Variants in MGAT4C observed in about 807,000 individuals in gnomAD.
MGAT4C encodes the protein MGAT4 family member C.
MGAT4C carries 19 observed loss-of-function variants against 40.1 expected under a neutral mutation model. That is an observed-to-expected ratio of 0.47 (90% CI 0.33 to 0.70). MGAT4C has a LOEUF of 0.70. MGAT4C is among the 30% of genes least tolerant of loss of function. The pLI is 0.02. For missense variants in MGAT4C, 491 were observed against 563.2 expected (o/e 0.87, Z 1.30); for synonymous variants, 181 against 187.1 (o/e 0.97, Z 0.27).
chr12:86,833,350 C>T (rs1952969192), intron 1 of MGAT4C, among the ~76,000 whole-genome samples: 1 of 151,786 alleles, frequency 6.6e-6, no homozygotes, highest in Admixed American at 6.6e-5. Flanking sequence ...AAAGTCAAAA[C>T]ATTTATTGTA....
Position 85,965,489 on chromosome 12 carries a change from C to G in MGAT4C, c.*13800G>C, listed in dbSNP as rs953115432. ...GCGGGCGCCTGTACTCCCAGCTACT[C>G]GGGAGGCTGAGGCAGGAGAATGGCG... On this transcript the variant is annotated 3_prime_UTR_variant, in exon 5 of 5. Transcript: ENST00000611864. 1.3e-5 allele frequency: 2 copies of G among 148,640 alleles called. No homozygotes were observed. Among genetic ancestry groups the G allele is most frequent in the Non-Finnish European group, 3.0e-5 (2 of 67,634 alleles). The allele number at this position is 148,640 out of a possible 1,614,324, so 9.2% of individuals were successfully genotyped here.
chr12:86,392,595 A>C lies in MGAT4C; in HGVS notation c.-120+42562T>G, dbSNP rs7314766. ...AACCAAAAAGAAGGATATTTAATCAAGACAAAGTGGTGAGGGATGGCTTTT... is the reference window on the plus strand; with the variant it reads ...AACCAAAAAGAAGGATATTTAATCACGACAAAGTGGTGAGGGATGGCTTTT... On this transcript the variant is annotated intron_variant, in intron 3 of 7. Coordinates refer to the MGAT4C transcript ENST00000548651. 5.3e-3 allele frequency among the ~76,000 whole-genome samples: 801 copies of C among 152,356 alleles called. 7 individuals carry two copies. The highest frequency in any genetic ancestry group is 0.018 in the African/African-American group (767 of 41,580).
intron 2 of MGAT4C, among the ~76,000 whole-genome samples, chr12:86,557,406 A>T (rs7956413): frequency 0.93 from 141,792 of 152,176 alleles, 66,141 homozygotes; most frequent in East Asian, 1. Flanking sequence ...CCTGCAGATA[A>T]CATCTAGTGG....
At chr12:86,353,798 C>CCTCT (rs761519428) in intron 3 of MGAT4C, among the ~76,000 whole-genome samples, 1 of 151,556 alleles carries the variant, frequency 6.6e-6, no homozygotes, top group East Asian at 1.9e-4. Flanking sequence ...CCTCTCTCTG[C>CCTCT]CTCTCTCTCT....
chr12:86,779,416 G>A (rs935276658), intron 1 of MGAT4C, among the ~76,000 whole-genome samples: 2 of 151,674 alleles, frequency 1.3e-5, no homozygotes, highest in Admixed American at 6.6e-5. Context: ...GCAGCATAGC[G>A]AGACCCCATC....
intron 2 of MGAT4C, among the ~76,000 whole-genome samples, chr12:86,691,836 T>C (rs1438094313): frequency 6.6e-6 from 1 of 152,080 alleles, no homozygotes; most frequent in Non-Finnish European, 1.5e-5. Flanking sequence ...GAAATCTAGA[T>C]AATAGAGTGA....
At chr12:86,276,806 A>G (rs574792729) in intron 4 of MGAT4C, among the ~76,000 whole-genome samples, 45 of 152,334 alleles carry the variant, frequency 3.0e-4, no homozygotes, top group African/African-American at 1.1e-3. Flanking sequence ...TTGTGTATAC[A>G]TACTACATGT....
intron 1 of MGAT4C, among the ~76,000 whole-genome samples, chr12:86,835,766 A>G (rs1953024617): frequency 6.6e-6 from 1 of 151,936 alleles, no homozygotes; most frequent in Non-Finnish European, 1.5e-5. Flanking sequence ...AATTGCAAAC[A>G]GTACTCACAT....
At chr12:86,623,738 T>G (rs1962712905) in intron 2 of MGAT4C, among the ~76,000 whole-genome samples, 1 of 152,176 alleles carries the variant, frequency 6.6e-6, no homozygotes, top group Non-Finnish European at 1.5e-5. Context: ...ATTTCAGAAC[T>G]CTAAAAGTTA....
intron 2 of MGAT4C, among the ~76,000 whole-genome samples, chr12:86,712,279 C>T (rs1950570108): frequency 6.6e-6 from 1 of 151,950 alleles, no homozygotes; most frequent in South Asian, 2.1e-4. Context: ...TAAAATACAA[C>T]ATTCCAACTC....
chr12:86,650,805 A>G (rs1450588980), intron 2 of MGAT4C, among the ~76,000 whole-genome samples: 1 of 151,912 alleles, frequency 6.6e-6, no homozygotes, highest in African/African-American at 2.4e-5. Flanking sequence ...GGGATTTGCT[A>G]AATACTTTCA....
intron 2 of MGAT4C, among the ~76,000 whole-genome samples, chr12:86,662,209 G>T (rs1039725548): frequency 6.6e-6 from 1 of 152,098 alleles, no homozygotes; most frequent in Admixed American, 6.6e-5. Context: ...AGAGCAATAT[G>T]AGATTAACTC....
intron 2 of MGAT4C, among the ~76,000 whole-genome samples, chr12:86,019,466 G>A (rs145824035): frequency 1.8e-3 from 277 of 152,220 alleles, no homozygotes; most frequent in African/African-American, 6.4e-3. Context: ...GAGTTTATCA[G>A]AGAGATAAAC....
intron 1 of MGAT4C, among the ~76,000 whole-genome samples, chr12:86,161,711 A>G (rs1162782289): frequency 6.6e-6 from 1 of 152,180 alleles, no homozygotes; most frequent in African/African-American, 2.4e-5. Flanking sequence ...CAACAGAGCA[A>G]ACAGACAACT....
intron 4 of MGAT4C, among the ~76,000 whole-genome samples, chr12:86,294,711 C>T (rs1953618463): frequency 6.6e-6 from 1 of 152,104 alleles, no homozygotes; most frequent in South Asian, 2.1e-4. Context: ...TTTAGTTTCC[C>T]AGTTGTCTCA....
intron 4 of MGAT4C, among the ~76,000 whole-genome samples, chr12:86,289,776 C>A (rs7303642): frequency 0.75 from 113,602 of 152,024 alleles, 43,618 homozygotes; most frequent in Non-Finnish European, 0.83. Flanking sequence ...ACTTTGCTAA[C>A]GTGTTATTTT....
chr12:86,827,731 G>GA (rs1952836181), intron 1 of MGAT4C, among the ~76,000 whole-genome samples: 1 of 151,050 alleles, frequency 6.6e-6, no homozygotes, highest in African/African-American at 2.4e-5. Context: ...AAATGTGGCA[G>GA]AAAAAAAGCC....
At chr12:86,266,179 A>G (rs1952782980) in intron 4 of MGAT4C, among the ~76,000 whole-genome samples, 1 of 152,072 alleles carries the variant, frequency 6.6e-6, no homozygotes, top group African/African-American at 2.4e-5. Flanking sequence ...ACTATGTTGA[A>G]TAGGTGTGGT....
chr12:86,695,315 T>G (rs1950236809), intron 2 of MGAT4C, among the ~76,000 whole-genome samples: 1 of 152,194 alleles, frequency 6.6e-6, no homozygotes, highest in Non-Finnish European at 1.5e-5. Context: ...TGTACACTGT[T>G]GGTAAAAAGG....
Sources: gnomAD v4.1 joint callset for allele counts (sites outside exome capture counted in the v4.1 genomes callset) on GRCh38, gnomAD v4.1.1 for gene constraint, MANE v1.5 for transcripts, NCBI Gene and HGNC (gene_info 2026-07-23, HGNC 2026-07-21) for gene names.